Variants in CELSR1 observed in about 807,000 individuals in gnomAD.
The protein encoded by CELSR1 is adhesion G protein-coupled receptor C1.
CELSR1 carries 110 observed loss-of-function variants against 249.1 expected under a neutral mutation model. The ratio of observed to expected loss-of-function variants is 0.44; its 90% CI spans 0.38 to 0.52. The LOEUF (loss-of-function observed/expected upper bound fraction) is 0.52. Ranked by LOEUF, CELSR1 falls within the 20% of genes least tolerant of loss-of-function variation. The probability of loss-of-function intolerance (pLI) is 0.00; values close to 1 mark genes in which losing one functional copy is unlikely to be tolerated. For missense variants in CELSR1, 4,109 were observed against 4,296.4 expected (o/e 0.96, Z 1.22); for synonymous variants, 2,113 against 1,900.0 (o/e 1.11, Z -2.92).
rs950359213 is a variant in CELSR1 at position 46,527,371 on chromosome 22, G to T, written c.3544+6256C>A. 4.6e-5 allele frequency among the ~76,000 whole-genome samples: 7 copies of T among 152,126 alleles called. No individual in the cohort carries two copies. Among genetic ancestry groups the T allele is most frequent in the African/African-American group, 1.7e-4 (7 of 41,414 alleles). On this transcript the variant is annotated intron_variant, in intron 1 of 34. Coordinates refer to ENST00000674500, the MANE Select transcript of CELSR1 (RefSeq NM_001378328.1). The surrounding 1 kb of genome is among the most constrained non-coding windows in gnomAD (Gnocchi z 5.5). The stretch of plus-strand genomic sequence containing the variant: ...CCAGCTCTTGCCTAAATCCTCCCGA[G>T]GGGGCCCACCAAACCCTCCACAGTC...
Position 46,433,243 on chromosome 22 carries a change from C to G in CELSR1, c.4611+150G>C, listed in dbSNP as rs942539834. 7.1e-6 allele frequency: 4 copies of G among 566,222 alleles called. No homozygotes were observed. The highest frequency in any genetic ancestry group is 1.2e-5 in the Non-Finnish European group (4 of 323,074). The allele number at this position is 566,222 out of a possible 1,614,324, so 35.1% of individuals were successfully genotyped here. ...AGAGACAGGGTTTCGCCACGTTGGC[C>G]AAGCTGGTCTCGAGCTCCTGACCTC... On this transcript the variant is annotated intron_variant, in intron 5 of 34. Transcript: ENST00000674500. The surrounding 1 kb of genome is among the most constrained non-coding windows in gnomAD (Gnocchi z 5.7).
At position 46,409,954 on chromosome 22, in the gene CELSR1, G is replaced by C; in HGVS notation, c.4934-74C>G. On this transcript the variant is annotated intron_variant, in intron 7 of 34. Transcript: ENST00000674500. This position sits in a 1 kb window ranked among gnomAD's most constrained non-coding sequence, Gnocchi z 9.8. ...GGGTCCCCGGCGCCAGACGTGGCGT[G>C]GGAAACCAGGACGGAATGGACCCGG... 6.3e-7 allele frequency: 1 copy of C among 1,588,024 alleles called. No individual in the cohort carries two copies. Among genetic ancestry groups the C allele is most frequent in the Non-Finnish European group, 8.5e-7 (1 of 1,170,648 alleles).
At chr22:46,378,327 G>C (rs1300395917) in intron 23 of CELSR1, among the ~76,000 whole-genome samples, 2 of 152,178 alleles carry the variant, frequency 1.3e-5, no homozygotes, top group African/African-American at 2.4e-5. Flanking sequence ...TACATAACCA[G>C]GGCTCTCTGA....
At chr22:46,532,112 T>C (rs1384856452) in intron 1 of CELSR1, among the ~76,000 whole-genome samples, 1 of 152,206 alleles carries the variant, frequency 6.6e-6, no homozygotes, top group Non-Finnish European at 1.5e-5. Flanking sequence ...ACATTACTGA[T>C]ACCACAGACA....
At chr22:46,475,938 TAAC>T (rs940236629) in intron 1 of CELSR1, among the ~76,000 whole-genome samples, 2 of 152,050 alleles carry the variant, frequency 1.3e-5, no homozygotes, top group African/African-American at 4.8e-5. Flanking sequence ...CCTGAAATAA[TAAC>T]AGGCCCCACT....
intron 12 of CELSR1, among the ~76,000 whole-genome samples, chr22:46,397,289 T>A (rs1321539333): frequency 1.4e-5 from 2 of 147,562 alleles, no homozygotes; most frequent in African/African-American, 5.0e-5. Context: ...TTTTTTTTTT[T>A]TTTTTTTTTT....
chr22:46,470,005 GCAA>G (rs2080139578), intron 1 of CELSR1, among the ~76,000 whole-genome samples: 1 of 133,086 alleles, frequency 7.5e-6, no homozygotes, highest in Non-Finnish European at 1.7e-5. Flanking sequence ...GGAGGGAGAG[GCAA>G]AGGGGCCAGA....
chr22:46,367,235 G>T, intron 28 of CELSR1, 117 bp from the exon 29 acceptor site: 1 of 1,362,370 alleles, frequency 7.3e-7, no homozygotes, highest in Non-Finnish European at 9.8e-7. Flanking sequence ...CCGGCCACAC[G>T]GCCCAGGACA....
chr22:46,435,234 G>A (rs1182812648), intron 4 of CELSR1, among the ~76,000 whole-genome samples: 1 of 142,882 alleles, frequency 7.0e-6, no homozygotes, highest in Non-Finnish European at 1.5e-5. Flanking sequence ...TTACAGGCAT[G>A]AGCCACCTTG....
chr22:46,410,558 G>A lies in CELSR1; in HGVS notation c.4773C>T (p.Ser1591=). The stretch of plus-strand genomic sequence containing the variant: ...GGAGTAGAGGGCCGGTCAGATCCAG[G>A]GACCTGGGTAGGTAAAGCCATCTTC... ...AQGTQTGSKK[S]LDLTGPLLLG... Residue 1591 remains serine, a synonymous_variant, in exon 7 of 35, where the codon TCC becomes TCT. Transcript: ENST00000674500. The surrounding 1 kb of genome is among the most constrained non-coding windows in gnomAD (Gnocchi z 6.8). 1 of 1,612,788 alleles carries A rather than the reference G, an allele frequency of 6.2e-7. No homozygotes were observed. The highest frequency in any genetic ancestry group is 8.5e-7 in the Non-Finnish European group (1 of 1,179,074).
chr22:46,483,557 T>C (rs1306442593), intron 1 of CELSR1, among the ~76,000 whole-genome samples: 2 of 152,136 alleles, frequency 1.3e-5, no homozygotes, highest in East Asian at 3.8e-4. Context: ...GTGCTTTGGT[T>C]TCCTCATCAG....
intron 1 of CELSR1, among the ~76,000 whole-genome samples, chr22:46,496,533 A>G (rs892170613): frequency 1.3e-5 from 2 of 152,160 alleles, no homozygotes; most frequent in Non-Finnish European, 2.9e-5. Flanking sequence ...ACGCCACTGC[A>G]CTCCCGCCTG....
At position 46,362,833 on chromosome 22, in the gene CELSR1, C is replaced by T. The variant is rs1424574320; in HGVS notation, c.*390G>A. 3.0e-6 allele frequency: 1 copy of T among 329,420 alleles called. No homozygotes were observed. The allele number at this position is 329,420 out of a possible 1,614,324, so 20.4% of individuals were successfully genotyped here. ...AGATGCCCGCCTGGGCGGGGCTGGACCGCGGTCTTTGGTCTGTGCCCGGCG... is the reference window on the plus strand; with the variant it reads ...AGATGCCCGCCTGGGCGGGGCTGGATCGCGGTCTTTGGTCTGTGCCCGGCG... On this transcript the variant is annotated 3_prime_UTR_variant, in exon 35 of 35. Transcript: ENST00000674500.
Position 46,471,710 on chromosome 22 carries a change from T to C in CELSR1, c.3545-7365A>G, listed in dbSNP as rs1040124367. Reference sequence around the variant, plus strand: ...CTGCCCCTGGCCTCAGCATTTGTCATAATGAAGGAGCCAGTATTGATAGGT... The same window carrying C: ...CTGCCCCTGGCCTCAGCATTTGTCACAATGAAGGAGCCAGTATTGATAGGT... On this transcript the variant is annotated intron_variant, in intron 1 of 34. Coordinates refer to ENST00000674500, the MANE Select transcript of CELSR1 (RefSeq NM_001378328.1). The surrounding 1 kb of genome is among the most constrained non-coding windows in gnomAD (Gnocchi z 4.9). Among the ~76,000 whole-genome samples, 3 of 152,194 alleles carry C rather than the reference T, an allele frequency of 2.0e-5. No individual in the cohort carries two copies. Among genetic ancestry groups the C allele is most frequent in the African/African-American group, 7.2e-5 (3 of 41,458 alleles).
At position 46,381,816 on chromosome 22, in the gene CELSR1, C is replaced by A. The variant is rs2147218986; in HGVS notation, c.7088+30G>T. 2 of 1,533,226 alleles carry A rather than the reference C, an allele frequency of 1.3e-6. No individual in the cohort carries two copies. The highest frequency in any genetic ancestry group is 1.8e-6 in the Non-Finnish European group (2 of 1,142,146). The allele number at this position is 1,533,226 out of a possible 1,614,324, so 95.0% of individuals were successfully genotyped here. On this transcript the variant is annotated intron_variant, in intron 21 of 34. Transcript: ENST00000674500. This position sits in a 1 kb window ranked among gnomAD's most constrained non-coding sequence, Gnocchi z 6.0. Reference sequence around the variant, plus strand: ...GCCTCAGGAGCCTCCAGAACGGGCCCTCCCCGTGTGCCCCGTGCCCAGGCC... The same window carrying A: ...GCCTCAGGAGCCTCCAGAACGGGCCATCCCCGTGTGCCCCGTGCCCAGGCC...
intron 1 of CELSR1, among the ~76,000 whole-genome samples, chr22:46,467,386 A>G (rs1249544863): frequency 6.6e-6 from 1 of 152,208 alleles, no homozygotes; most frequent in Non-Finnish European, 1.5e-5. Context: ...GAAGCCACAC[A>G]ATGGACTACT....
chr22:46,521,429 C>T (rs563740115), intron 1 of CELSR1, among the ~76,000 whole-genome samples: 154 of 151,724 alleles, frequency 1.0e-3, no homozygotes, highest in African/African-American at 3.5e-3. Context: ...GGCATGAACC[C>T]GGGAGGCGGA....
Position 46,364,417 on chromosome 22 carries a change from C to T in CELSR1, c.8779+95G>A, listed in dbSNP as rs2078742997. The T allele has an allele frequency of 2.0e-6, 3 of 1,494,570 alleles. No individual in the cohort carries two copies. In the Admixed American group the frequency reaches 5.8e-5, roughly 29 times the overall value. The allele number at this position is 1,494,570 out of a possible 1,614,324, so 92.6% of individuals were successfully genotyped here. A position where few individuals can be genotyped will look rare whatever the true frequency, so the allele number is the denominator to read the frequency against. On this transcript the variant is annotated intron_variant, in intron 33 of 34. Coordinates refer to ENST00000674500, the MANE Select transcript of CELSR1 (RefSeq NM_001378328.1). ...TCTGTTCTGCCCAGGCCCTGACTTG[C>T]CCCACCAGCCCCAGCCCCACTCCCA...
Position 46,454,522 on chromosome 22 carries a change from G to A in CELSR1, c.4183+9185C>T, listed in dbSNP as rs887517738. On this transcript the variant is annotated intron_variant, in intron 2 of 34. Coordinates refer to ENST00000674500, the MANE Select transcript of CELSR1 (RefSeq NM_001378328.1). The surrounding 1 kb of genome is among the most constrained non-coding windows in gnomAD (Gnocchi z 5.1). Reference sequence around the variant, plus strand: ...TTCGAAGTCACGGGGAACGGCGTGTGCTTTAAACCACAGCGAGGTTTCTAT... The same window carrying A: ...TTCGAAGTCACGGGGAACGGCGTGTACTTTAAACCACAGCGAGGTTTCTAT... 6.6e-6 allele frequency among the ~76,000 whole-genome samples: 1 copy of A among 152,214 alleles called. No homozygotes were observed. Among genetic ancestry groups the A allele is most frequent in the Non-Finnish European group, 1.5e-5 (1 of 68,042 alleles).
Sources: gnomAD v4.1 joint callset for allele counts (sites outside exome capture counted in the v4.1 genomes callset) on GRCh38, gnomAD v4.1.1 for gene constraint, Gnocchi (gnomAD v3.1) non-coding constraint, MANE v1.5 for transcripts, NCBI Gene and HGNC (gene_info 2026-07-23, HGNC 2026-07-21) for gene names.